The following ASTN2 variants were observed in gnomAD, a reference collection of about 807,000 sequenced individuals.
ASTN2 encodes astrotactin-2.
ASTN2 carries 54 observed loss-of-function variants against 139.8 expected under a neutral mutation model. The ratio of observed to expected loss-of-function variants is 0.39; its 90% CI spans 0.31 to 0.48. The LOEUF (loss-of-function observed/expected upper bound fraction) is 0.48. Ranked by LOEUF, ASTN2 falls within the 20% of genes least tolerant of loss-of-function variation. ASTN2 has a pLI of 0.95. For synonymous variants in ASTN2, 756 were observed against 719.5 expected, an observed-to-expected ratio of 1.05 and a Z score of -0.81; for missense variants, 1,565 against 1,725.1, an observed-to-expected ratio of 0.91 and a Z score of 1.64.
chr9:117,016,598 A>C (rs111864584), intron 6 of ASTN2, among the ~76,000 whole-genome samples: 746 of 13,780 alleles, frequency 0.054, 50 homozygotes, highest in African/African-American at 0.083. Flanking sequence ...GGTTTTATAT[A>C]TATATCTATA....
intron 1 of ASTN2, among the ~76,000 whole-genome samples, chr9:117,354,283 C>T (rs1829474725): frequency 6.6e-6 from 1 of 152,048 alleles, no homozygotes; most frequent in Non-Finnish European, 1.5e-5. Context: ...AGATGAGGCC[C>T]CTCATCATCT....
chr9:116,468,100 C>T (rs1021914183), intron 20 of ASTN2, among the ~76,000 whole-genome samples: 2 of 152,192 alleles, frequency 1.3e-5, no homozygotes, highest in Admixed American at 1.3e-4. Context: ...ATGACACTAT[C>T]ATTATCAATA....
intron 19 of ASTN2, among the ~76,000 whole-genome samples, chr9:116,533,260 G>A (rs1211526174): frequency 1.3e-5 from 2 of 152,306 alleles, no homozygotes; most frequent in Admixed American, 6.5e-5. Flanking sequence ...GGGATTTTGG[G>A]CTGAGACAAT....
At chr9:116,526,553 C>T (rs1345028756) in intron 19 of ASTN2, among the ~76,000 whole-genome samples, 1 of 149,812 alleles carries the variant, frequency 6.7e-6, no homozygotes, top group East Asian at 2.0e-4. Flanking sequence ...ACCCAGGGGT[C>T]AGAAGTTGCA....
chr9:116,483,843 A>T (rs1849250760), intron 20 of ASTN2, among the ~76,000 whole-genome samples: 2 of 152,162 alleles, frequency 1.3e-5, no homozygotes, highest in South Asian at 2.1e-4. Context: ...ACAGGGAAGG[A>T]ATCTGAACAT....
chr9:116,964,221 GT>G (rs1564362540), intron 10 of ASTN2, among the ~76,000 whole-genome samples: 24 of 103,222 alleles, frequency 2.3e-4, no homozygotes, highest in African/African-American at 1.0e-3. Context: ...CCTGGGGTGT[GT>G]GTGTGTGTGT....
chr9:117,171,127 AT>A (rs1347654684), intron 3 of ASTN2, among the ~76,000 whole-genome samples: 2 of 151,658 alleles, frequency 1.3e-5, no homozygotes, highest in African/African-American at 4.8e-5. Flanking sequence ...TGCAGGAGGA[AT>A]TTAAATAAAA....
chr9:116,432,266 C>T (rs1311327359), intron 22 of ASTN2, among the ~76,000 whole-genome samples: 1 of 152,174 alleles, frequency 6.6e-6, no homozygotes, highest in African/African-American at 2.4e-5. Flanking sequence ...CAGATCTTCC[C>T]AGCTATCATA....
intron 10 of ASTN2, among the ~76,000 whole-genome samples, chr9:116,899,400 C>A (rs188326954): frequency 5.4e-4 from 82 of 152,334 alleles, no homozygotes; most frequent in Middle Eastern, 3.4e-3. Flanking sequence ...TTCCCATGCC[C>A]ACATCCTATT....
intron 19 of ASTN2, chr9:116,545,899 C>G (rs1318631567): frequency 6.6e-6 from 1 of 152,116 alleles, no homozygotes; most frequent in Non-Finnish European, 1.5e-5. Flanking sequence ...AAAGTGCTAA[C>G]AATGTGAGAA....
intron 19 of ASTN2, among the ~76,000 whole-genome samples, chr9:116,617,133 G>C (rs1855898749): frequency 6.6e-6 from 1 of 152,130 alleles, no homozygotes; most frequent in Admixed American, 6.5e-5. Context: ...CAGCCAACTT[G>C]ACTTCTCATG....
chr9:117,008,461 C>G (rs1409966047), intron 6 of ASTN2, among the ~76,000 whole-genome samples: 2 of 152,062 alleles, frequency 1.3e-5, no homozygotes, highest in African/African-American at 4.8e-5. Context: ...ATAATTCAAC[C>G]TAGTGATGAA....
intron 4 of ASTN2, among the ~76,000 whole-genome samples, chr9:117,118,379 A>G (rs1587982649): frequency 6.6e-6 from 1 of 151,850 alleles, no homozygotes; most frequent in African/African-American, 2.4e-5. Flanking sequence ...CTCCTAGAGG[A>G]CAGCCAATCC....
intron 10 of ASTN2, among the ~76,000 whole-genome samples, chr9:116,870,543 T>G (rs1011917733): frequency 3.3e-5 from 5 of 152,190 alleles, no homozygotes; most frequent in Admixed American, 6.5e-5. Flanking sequence ...CCAGACATTG[T>G]GCAAAAGGTT....
intron 16 of ASTN2, among the ~76,000 whole-genome samples, chr9:116,711,797 A>C (rs1278821641): frequency 6.6e-6 from 1 of 152,068 alleles, no homozygotes; most frequent in Non-Finnish European, 1.5e-5. Flanking sequence ...TTTCACATAC[A>C]TTAATTTTTT....
intron 20 of ASTN2, among the ~76,000 whole-genome samples, chr9:116,479,118 G>A (rs1014415333): frequency 2.0e-5 from 3 of 151,360 alleles, no homozygotes; most frequent in Admixed American, 2.0e-4. Context: ...CAAAGTGGAA[G>A]CCACTTGCCA....
intron 11 of ASTN2, among the ~76,000 whole-genome samples, chr9:116,848,742 G>A (rs1035298411): frequency 1.3e-5 from 2 of 152,200 alleles, no homozygotes; most frequent in East Asian, 3.9e-4. Flanking sequence ...TCACCAAGAA[G>A]TGTGTGGCAA....
At chr9:116,629,383 C>G (rs1278991877) in intron 17 of ASTN2, among the ~76,000 whole-genome samples, 1 of 152,138 alleles carries the variant, frequency 6.6e-6, no homozygotes, top group African/African-American at 2.4e-5. Context: ...TCCCAAAGTG[C>G]TGGGATTACA....
chr9:117,192,232 A>T (rs923742241), intron 3 of ASTN2, among the ~76,000 whole-genome samples: 4 of 152,122 alleles, frequency 2.6e-5, no homozygotes, highest in African/African-American at 4.8e-5. Context: ...AACGTCCAAG[A>T]GGAGGCACCA....
Sources: gnomAD v4.1 joint callset for allele counts (sites outside exome capture counted in the v4.1 genomes callset) on GRCh38, gnomAD v4.1.1 for gene constraint, MANE v1.5 for transcripts, NCBI Gene and HGNC (gene_info 2026-07-23, HGNC 2026-07-21) for gene names.